DMD: variants seen among roughly 807,000 people sequenced by gnomAD.
DMD encodes dystrophin, also known as mutant dystrophin.
In DMD, 63 loss-of-function variants were observed where a neutral mutation model predicts 330.1. That is an observed-to-expected ratio of 0.19 (90% CI 0.16 to 0.24). DMD has a LOEUF of 0.24. Among genes scored for constraint, DMD ranks in the 10% least tolerant of loss-of-function variants. DMD has a pLI of 1.00. For missense variants in DMD, 3,344 were observed against 2,684.1 expected, an observed-to-expected ratio of 1.25 and a Z score of -5.43; for synonymous variants, 1,223 against 959.8, an observed-to-expected ratio of 1.27 and a Z score of -5.07.
At chrX:31,949,563 G>A (rs778564137) in intron 45 of DMD, among the ~76,000 whole-genome samples, 5 of 111,013 alleles carry the variant, frequency 4.5e-5, no homozygotes, top group Non-Finnish European at 7.6e-5. Context: ...TCTACATACA[G>A]GATTGTATTG....
intron 55 of DMD, among the ~76,000 whole-genome samples, chrX:31,580,790 G>A (rs747607458): frequency 9.0e-6 from 1 of 111,701 alleles, no homozygotes; most frequent in South Asian, 3.8e-4. Context: ...CAAGCTACAA[G>A]CTTAAATAAT....
chrX:33,119,195 A>G (rs973660783), intron 1 of DMD, among the ~76,000 whole-genome samples: 1 of 111,288 alleles, frequency 9.0e-6, no homozygotes, highest in African/African-American at 3.4e-5. Flanking sequence ...GGCATATAAC[A>G]TGACATATGT....
At chrX:32,991,209 A>G (rs993040359) in intron 2 of DMD, among the ~76,000 whole-genome samples, 6 of 108,642 alleles carry the variant, frequency 5.5e-5, no homozygotes, top group African/African-American at 1.7e-4. Context: ...TTGTTAAATA[A>G]TTCAGTTTAA....
At chrX:32,992,562 A>G (rs1226978214) in intron 2 of DMD, among the ~76,000 whole-genome samples, 1 of 111,741 alleles carries the variant, frequency 8.9e-6, no homozygotes, top group Non-Finnish European at 1.9e-5. Flanking sequence ...CCTGAATGAT[A>G]CTCACAAAAG....
chrX:32,392,608 C>A (rs768088012), intron 30 of DMD, among the ~76,000 whole-genome samples: 5 of 111,815 alleles, frequency 4.5e-5, no homozygotes, highest in African/African-American at 1.6e-4. Flanking sequence ...TCCCACAGCA[C>A]ATGCTCCTCT....
At chrX:32,865,191 T>TA (rs2082385155) in intron 2 of DMD, among the ~76,000 whole-genome samples, 1 of 111,592 alleles carries the variant, frequency 9.0e-6, no homozygotes, top group African/African-American at 3.3e-5. Context: ...CATACTGTCC[T>TA]AAGAAAAATG....
At chrX:31,554,270 T>C (rs1672486240) in intron 55 of DMD, among the ~76,000 whole-genome samples, 1 of 111,514 alleles carries the variant, frequency 9.0e-6, no homozygotes, top group Non-Finnish European at 1.9e-5. Context: ...TCATTAAAGA[T>C]TAAAAACAAT....
At chrX:31,813,505 C>T (rs1365222871) in intron 50 of DMD, among the ~76,000 whole-genome samples, 1 of 111,984 alleles carries the variant, frequency 8.9e-6, no homozygotes, top group Non-Finnish European at 1.9e-5. Flanking sequence ...CTCTTGCCTG[C>T]TGTCATGTAA....
intron 29 of DMD, among the ~76,000 whole-genome samples, chrX:32,425,443 G>T (rs1425910618): frequency 9.0e-6 from 1 of 110,642 alleles, no homozygotes; most frequent in Non-Finnish European, 1.9e-5. Flanking sequence ...TATATATTAT[G>T]TCTTTCTATT....
intron 7 of DMD, among the ~76,000 whole-genome samples, chrX:32,801,841 G>A (rs1259080622): frequency 9.0e-6 from 1 of 111,075 alleles, no homozygotes; most frequent in Non-Finnish European, 1.9e-5. Flanking sequence ...TTATTTCTGA[G>A]GCCTCTGTTC....
chrX:32,911,323 C>A (rs976826219), intron 2 of DMD, among the ~76,000 whole-genome samples: 4 of 111,790 alleles, frequency 3.6e-5, no homozygotes, highest in Non-Finnish European at 7.5e-5. Context: ...AACACTAAAC[C>A]AGTTTCAAAA....
At chrX:33,024,123 T>A (rs2093959015) in intron 1 of DMD, among the ~76,000 whole-genome samples, 1 of 112,026 alleles carries the variant, frequency 8.9e-6, no homozygotes, top group Non-Finnish European at 1.9e-5. Flanking sequence ...CTAGAAACTA[T>A]TTTGATACGT....
intron 1 of DMD, among the ~76,000 whole-genome samples, chrX:33,032,545 G>C (rs181394284): frequency 1.5e-3 from 166 of 111,843 alleles, no homozygotes; most frequent in Non-Finnish European, 2.6e-3. Flanking sequence ...ATAAGCTGAA[G>C]AATGGGTTTT....
chrX:32,443,110 C>A (rs1455342981), intron 27 of DMD, among the ~76,000 whole-genome samples: 2 of 110,740 alleles, frequency 1.8e-5, no homozygotes, highest in African/African-American at 6.5e-5. Flanking sequence ...CCTATAAGTA[C>A]AGTAAACACA....
chrX:32,849,390 T>C (rs1472493458), intron 3 of DMD, among the ~76,000 whole-genome samples: 2 of 112,123 alleles, frequency 1.8e-5, no homozygotes, highest in Non-Finnish European at 3.8e-5. Context: ...TACAGGTTCC[T>C]TGTAAAATAA....
intron 62 of DMD, among the ~76,000 whole-genome samples, chrX:31,272,169 A>G (rs1376975380): frequency 4.5e-5 from 5 of 111,848 alleles, no homozygotes; most frequent in Non-Finnish European, 7.5e-5. Flanking sequence ...GTTTTCTTTT[A>G]ATAAGATTTC....
intron 67 of DMD, among the ~76,000 whole-genome samples, chrX:31,186,933 A>G (rs760804925): frequency 8.9e-6 from 1 of 112,367 alleles, no homozygotes; most frequent in Non-Finnish European, 1.9e-5. Context: ...CATCCTTAGA[A>G]GGTGATCCTG....
In DMD at chrX:32,699,204, C is replaced by T. The variant is rs1468818043; in HGVS notation, c.739G>A (p.Ala247Thr). The change falls in exon 8 of 79, where the codon GCC becomes ACC. Residue 247 changes from alanine to threonine, a missense_variant. Physicochemically the swap from Ala to Thr is moderately conservative, Grantham distance 58. Transcript: ENST00000357033. ...GGCAACATTTCCACTTCCTGGATGG[C>T]TTCAATGCTCACTTGTTGAGGCAAA... Reference protein sequence around the residue: ...QVLPQQVSIEAIQEVEMLPRP... With the variant: ...QVLPQQVSIETIQEVEMLPRP... 1.7e-6 allele frequency: 2 copies of T among 1,207,174 alleles called. No individual in the cohort carries two copies. Among genetic ancestry groups the T allele is most frequent in the Non-Finnish European group, 1.1e-6 (1 of 892,842 alleles).
intron 1 of DMD, among the ~76,000 whole-genome samples, chrX:33,118,542 T>C (rs1388727587): frequency 8.9e-6 from 1 of 112,091 alleles, no homozygotes; most frequent in Non-Finnish European, 1.9e-5. Context: ...ACTGTCTTAC[T>C]CAGTCCTAGG....
Sources: gnomAD v4.1 joint callset for allele counts (sites outside exome capture counted in the v4.1 genomes callset) on GRCh38, gnomAD v4.1.1 for gene constraint, MANE v1.5 for transcripts, NCBI Gene and HGNC (gene_info 2026-07-23, HGNC 2026-07-21) for gene names.